Variants in PHKB observed in about 807,000 individuals in gnomAD.
PHKB encodes the protein phosphorylase b kinase regulatory subunit beta.
A neutral mutation model predicts 152.1 loss-of-function variants in PHKB; 122 were observed. The observed-to-expected ratio is 0.80, with a 90% CI of 0.69 to 0.93. The LOEUF is 0.93. Ranked by LOEUF, PHKB falls within the 40% of genes least tolerant of loss-of-function variation. The probability of loss-of-function intolerance (pLI) is 0.00; values close to 1 mark genes in which losing one functional copy is unlikely to be tolerated. For synonymous variants in PHKB, 436 were observed against 464.9 expected, an observed-to-expected ratio of 0.94 and a Z score of 0.80; for missense variants, 1,304 against 1,328.4, an observed-to-expected ratio of 0.98 and a Z score of 0.29.
At chr16:47,637,363 A>G (rs924528006) in intron 14 of PHKB, among the ~76,000 whole-genome samples, 1 of 151,932 alleles carries the variant, frequency 6.6e-6, no homozygotes, top group South Asian at 2.1e-4. Context: ...CGCACCCCCC[A>G]CCCAACACCT....
chr16:47,504,087 A>G (rs1970370663), intron 4 of PHKB, among the ~76,000 whole-genome samples: 1 of 152,146 alleles, frequency 6.6e-6, no homozygotes, highest in Admixed American at 6.5e-5. Context: ...TCAGATAGTC[A>G]TAGTTGTGGC....
intron 4 of PHKB, 33 bp downstream of exon 4, chr16:47,503,123 C>G (rs898394612): frequency 3.1e-6 from 4 of 1,283,528 alleles, no homozygotes; most frequent in African/African-American, 2.9e-5. Flanking sequence ...GGAATTCTCC[C>G]ATCATTCTGA....
intron 7 of PHKB, among the ~76,000 whole-genome samples, chr16:47,558,052 C>T (rs1379087511): frequency 6.6e-6 from 1 of 150,704 alleles, no homozygotes; most frequent in African/African-American, 2.4e-5. Flanking sequence ...TACTATGCAG[C>T]CATAAAAAAT....
At chr16:47,575,046 G>A (rs1971727332) in intron 7 of PHKB, among the ~76,000 whole-genome samples, 1 of 152,154 alleles carries the variant, frequency 6.6e-6, no homozygotes, top group South Asian at 2.1e-4. Context: ...GTTAGCTGTA[G>A]AAGTTTTGTA....
At chr16:47,605,797 G>GT (rs932334261) in intron 13 of PHKB, among the ~76,000 whole-genome samples, 1 of 151,786 alleles carries the variant, frequency 6.6e-6, no homozygotes. Flanking sequence ...TGTCTAAATA[G>GT]TTTTTTTTAT....
intron 1 of PHKB, among the ~76,000 whole-genome samples, chr16:47,465,869 T>C (rs1969659990): frequency 6.6e-6 from 1 of 152,254 alleles, no homozygotes; most frequent in Admixed American, 6.5e-5. Context: ...TGCGATTTCA[T>C]TTGACAATTA....
rs147213148 is a variant in PHKB, at chr16:47,521,109, C to T, written c.594+5508C>T. Among the ~76,000 whole-genome samples, 584 of 152,232 alleles carry T rather than the reference C, an allele frequency of 3.8e-3. 5 individuals are homozygous for T. Among genetic ancestry groups the T allele is most frequent in the African/African-American group, 0.014 (562 of 41,546 alleles). ...TTTTATAAATTGATCTTGTGTTCTG[C>T]AATCTTGAACTCGTGTTTAAGCTTT... On this transcript the variant is annotated intron_variant, in intron 6 of 30. Coordinates refer to ENST00000323584, the MANE Select transcript of PHKB (RefSeq NM_000293.3).
At chr16:47,599,001 C>T (rs1322466432) in intron 13 of PHKB, 2 of 892,660 alleles carry the variant, frequency 2.2e-6, no homozygotes, top group Non-Finnish European at 3.6e-6. Flanking sequence ...GCACACCCTC[C>T]CTGACAGCGC....
At chr16:47,663,982 A>C in intron 24 of PHKB, 1 of 547,774 alleles carries the variant, frequency 1.8e-6, no homozygotes. Context: ...TGGTATGCTA[A>C]GGTTTCTTTC....
intron 13 of PHKB, chr16:47,598,615 C>T: frequency 8.5e-7 from 1 of 1,179,536 alleles, no homozygotes; most frequent in Non-Finnish European, 1.2e-6. Flanking sequence ...TATTTAATTA[C>T]ATCAGTTTCC....
intron 7 of PHKB, chr16:47,565,151 G>C: frequency 1.8e-6 from 1 of 547,444 alleles, no homozygotes; most frequent in East Asian, 4.7e-5. Flanking sequence ...CTTGCTTGCA[G>C]AACTGAACTT....
chr16:47,692,970 G>T (rs905346776), intron 27 of PHKB, among the ~76,000 whole-genome samples: 1 of 152,010 alleles, frequency 6.6e-6, no homozygotes, highest in Non-Finnish European at 1.5e-5. Flanking sequence ...GAGGTGTATA[G>T]GACTGATCAA....
chr16:47,628,162 C>T (rs1021108944), intron 14 of PHKB, among the ~76,000 whole-genome samples: 1 of 152,162 alleles, frequency 6.6e-6, no homozygotes, highest in East Asian at 1.9e-4. Flanking sequence ...CTCCCTCCTC[C>T]CTTGCCTTTC....
At chr16:47,637,840 G>A (rs1055801392) in intron 14 of PHKB, among the ~76,000 whole-genome samples, 8 of 152,100 alleles carry the variant, frequency 5.3e-5, no homozygotes, top group African/African-American at 1.4e-4. Flanking sequence ...TTTATTTCTC[G>A]CAGTTCTAAA....
intron 7 of PHKB, chr16:47,565,913 G>GA: frequency 9.2e-7 from 1 of 1,081,406 alleles, no homozygotes; most frequent in East Asian, 2.4e-5. Flanking sequence ...GATTCAGTTT[G>GA]GGTCTTTGTG....
At chr16:47,543,928 A>G (rs1048840940) in intron 6 of PHKB, among the ~76,000 whole-genome samples, 1 of 152,042 alleles carries the variant, frequency 6.6e-6, no homozygotes, top group Non-Finnish European at 1.5e-5. Context: ...TAATACATTT[A>G]TTACATCTAT....
At chr16:47,483,580 G>A (rs1285377356) in intron 1 of PHKB, among the ~76,000 whole-genome samples, 2 of 152,108 alleles carry the variant, frequency 1.3e-5, no homozygotes, top group East Asian at 1.9e-4. Context: ...GGCTACATAC[G>A]TTTATTCTAG....
chr16:47,620,489 T>C (rs1310624334), intron 14 of PHKB, among the ~76,000 whole-genome samples: 1 of 152,170 alleles, frequency 6.6e-6, no homozygotes, highest in Non-Finnish European at 1.5e-5. Context: ...TGGTTCATGG[T>C]GGAAATTAAC....
At chr16:47,672,842 A>G (rs1470028842) in intron 26 of PHKB, among the ~76,000 whole-genome samples, 2 of 152,250 alleles carry the variant, frequency 1.3e-5, no homozygotes, top group South Asian at 4.1e-4. Flanking sequence ...GGTGCTTTCC[A>G]TGAGAAATGA....
Sources: gnomAD v4.1 joint callset for allele counts (sites outside exome capture counted in the v4.1 genomes callset) on GRCh38, gnomAD v4.1.1 for gene constraint, MANE v1.5 for transcripts, NCBI Gene and HGNC (gene_info 2026-07-23, HGNC 2026-07-21) for gene names.